Variants in PELI1 observed in about 807,000 individuals in gnomAD.
The protein encoded by PELI1 is E3 ubiquitin-protein ligase pellino homolog 1.
PELI1 carries 15 observed loss-of-function variants against 41.3 expected under a neutral mutation model. That is an observed-to-expected ratio of 0.36 (90% CI 0.24 to 0.56). The LOEUF (loss-of-function observed/expected upper bound fraction) is 0.56. Among genes scored for constraint, PELI1 ranks in the 20% least tolerant of loss-of-function variants. The pLI, the probability that PELI1 is intolerant of heterozygous loss-of-function variation, is 0.82. For missense variants in PELI1, 403 were observed against 525.5 expected (o/e 0.77, Z 2.28); for synonymous variants, 178 against 180.1 (o/e 0.99, Z 0.09).
At chr2:64,107,493 A>C (rs953311064) in intron 2 of PELI1, among the ~76,000 whole-genome samples, 26 of 152,292 alleles carry the variant, frequency 1.7e-4, no homozygotes, top group African/African-American at 6.3e-4. Context: ...TTTAACCCAA[A>C]TGTACAGCAC....
At chr2:64,134,258 C>T (rs1481428264) in intron 1 of PELI1, among the ~76,000 whole-genome samples, 2 of 152,138 alleles carry the variant, frequency 1.3e-5, no homozygotes, top group African/African-American at 2.4e-5. Context: ...CTAAAAGAGA[C>T]ACAACCAAAA....
intron 1 of PELI1, among the ~76,000 whole-genome samples, chr2:64,137,126 C>T (rs1487771575): frequency 6.6e-6 from 1 of 152,062 alleles, no homozygotes; most frequent in African/African-American, 2.4e-5. Flanking sequence ...TAGATTTTTA[C>T]AATCCATATT....
At chr2:64,121,550 AT>A (rs1174544348) in intron 1 of PELI1, among the ~76,000 whole-genome samples, 2 of 147,450 alleles carry the variant, frequency 1.4e-5, no homozygotes, top group Non-Finnish European at 2.9e-5. Context: ...TTGAGGAAAT[AT>A]TTTTTTTCTT....
intron 1 of PELI1, among the ~76,000 whole-genome samples, chr2:64,113,913 T>G (rs1680905066): frequency 6.6e-6 from 1 of 152,086 alleles, no homozygotes; most frequent in African/African-American, 2.4e-5. Flanking sequence ...CTTTCATTAT[T>G]TACATCACAC....
rs542936630 is a variant in PELI1, at chr2:64,137,499, G to A, written c.-70+6582C>T. ...TGATCTTGTATGTGTGTGTGTGTGTGCGCATTTTGTGAGACCTTAAAATAT... is the reference window on the plus strand; with the variant it reads ...TGATCTTGTATGTGTGTGTGTGTGTACGCATTTTGTGAGACCTTAAAATAT... On this transcript the variant is annotated intron_variant, in intron 1 of 6. Transcript: ENST00000358912. 9.9e-5 allele frequency among the ~76,000 whole-genome samples: 15 copies of A among 152,096 alleles called. No homozygotes were observed. In the East Asian group the frequency reaches 1.5e-3, roughly 16 times the overall value.
At position 64,093,342 on chromosome 2, in the gene PELI1, TAAAAG is replaced by T. The variant is rs1222885436; in HGVS notation, c.*1355_*1359del. On this transcript the variant is annotated 3_prime_UTR_variant, in exon 7 of 7. Transcript: ENST00000358912. The stretch of plus-strand genomic sequence containing the variant: ...ACTAAAGGAAAACAAATCAAAATAT[TAAAAG>T]AAGATACTGTCTAATCTAAAAGTGT... 6.6e-6 allele frequency: 1 copy of T among 152,538 alleles called. No individual in the cohort carries two copies. Among genetic ancestry groups the T allele is most frequent in the Non-Finnish European group, 1.5e-5 (1 of 68,016 alleles). The allele number at this position is 152,538 out of a possible 1,614,324, so 9.4% of individuals were successfully genotyped here. A position where few individuals can be genotyped will look rare whatever the true frequency, so the allele number is the denominator to read the frequency against.
In PELI1 at chr2:64,100,486, T is replaced by G; in HGVS notation, c.215A>C (p.Lys72Thr). 1 of 1,562,712 alleles carries G rather than the reference T, an allele frequency of 6.4e-7. No individual in the cohort carries two copies. Among genetic ancestry groups the G allele is most frequent in the East Asian group, 2.3e-5 (1 of 44,244 alleles). The change falls in exon 4 of 7, where the codon AAA (lysine) becomes ACA (threonine). Residue 72 changes from lysine to threonine, a missense_variant. Coordinates refer to ENST00000358912, the MANE Select transcript of PELI1 (RefSeq NM_020651.4). Reference protein sequence around the residue: ...TPQAAKAISNKDQHSISYTLS... With the variant: ...TPQAAKAISNTDQHSISYTLS... ...AGTATATGATATGCTATGCTGGTCTTTGTTGCTTATTGCCTAAGAATGAAA... is the reference window on the plus strand; with the variant it reads ...AGTATATGATATGCTATGCTGGTCTGTGTTGCTTATTGCCTAAGAATGAAA...
chr2:64,130,335 CTG>C (rs1212123454), intron 1 of PELI1, among the ~76,000 whole-genome samples: 1 of 152,106 alleles, frequency 6.6e-6, no homozygotes, highest in African/African-American at 2.4e-5. Flanking sequence ...AAAAATGAAA[CTG>C]AATATGTAAT....
chr2:64,140,812 A>AAC (rs1558490188), intron 1 of PELI1, among the ~76,000 whole-genome samples: 1 of 148,452 alleles, frequency 6.7e-6, no homozygotes, highest in East Asian at 1.9e-4. Context: ...AACAAACAAA[A>AAC]AAAAACCTAG....
At chr2:64,142,590 A>C (rs184967738) in intron 1 of PELI1, among the ~76,000 whole-genome samples, 1 of 152,316 alleles carries the variant, frequency 6.6e-6, no homozygotes, top group East Asian at 1.9e-4. Context: ...TGTTGGTATA[A>C]ATAAAAAAAA....
At chr2:64,108,948 GT>G (rs778730114) in intron 1 of PELI1, among the ~76,000 whole-genome samples, 1 of 152,200 alleles carries the variant, frequency 6.6e-6, no homozygotes, top group East Asian at 1.9e-4. Flanking sequence ...CCAGAAAACA[GT>G]TTTGCCCCAC....
intron 2 of PELI1, among the ~76,000 whole-genome samples, chr2:64,107,883 G>T (rs1345336254): frequency 6.6e-6 from 1 of 152,102 alleles, no homozygotes; most frequent in East Asian, 1.9e-4. Flanking sequence ...TCACCATGTT[G>T]GCCAGGCTGG....
intron 1 of PELI1, among the ~76,000 whole-genome samples, chr2:64,138,438 T>C (rs1242461774): frequency 6.6e-6 from 1 of 152,148 alleles, no homozygotes; most frequent in African/African-American, 2.4e-5. Flanking sequence ...CCTTTAAAAC[T>C]GCATCTTGGC....
chr2:64,134,298 T>G (rs1681648704), intron 1 of PELI1, among the ~76,000 whole-genome samples: 1 of 152,176 alleles, frequency 6.6e-6, no homozygotes, highest in Non-Finnish European at 1.5e-5. Flanking sequence ...CTTCTTTTTG[T>G]TGAATAAATG....
chr2:64,117,824 T>G (rs1681050950), intron 1 of PELI1, among the ~76,000 whole-genome samples: 1 of 152,106 alleles, frequency 6.6e-6, no homozygotes, highest in African/African-American at 2.4e-5. Flanking sequence ...ATTTTTTTTT[T>G]TTTGAGACAG....
intron 6 of PELI1, 82 bp downstream of exon 6, chr2:64,096,043 C>G (rs1191609344): frequency 4.2e-6 from 4 of 942,714 alleles, no homozygotes; most frequent in South Asian, 1.6e-5. Context: ...TAAGAGTTTT[C>G]TGGAATGTAT....
At chr2:64,117,443 T>C (rs1681036269) in intron 1 of PELI1, among the ~76,000 whole-genome samples, 1 of 152,136 alleles carries the variant, frequency 6.6e-6, no homozygotes, top group Admixed American at 6.5e-5. Flanking sequence ...GAATGCTGTA[T>C]AAATGTTTGA....
chr2:64,131,215 ATAT>A (rs1171654580), intron 1 of PELI1, among the ~76,000 whole-genome samples: 1 of 150,094 alleles, frequency 6.7e-6, no homozygotes, highest in Non-Finnish European at 1.5e-5. Flanking sequence ...TAATAATAAG[ATAT>A]TATATTAAAT....
chr2:64,143,869 C>T (rs868424994), intron 1 of PELI1, among the ~76,000 whole-genome samples: 1 of 151,690 alleles, frequency 6.6e-6, no homozygotes, highest in African/African-American at 2.4e-5. Context: ...CGCGTAGGGC[C>T]GGTTCCTGAC....
Sources: allele counts gnomAD v4.1 joint callset (sites outside exome capture counted in the v4.1 genomes callset), GRCh38; gene constraint gnomAD v4.1.1; transcripts MANE v1.5; gene names NCBI Gene and HGNC (gene_info 2026-07-23, HGNC 2026-07-21).